KLC1: variants seen among roughly 807,000 people sequenced by gnomAD.
The protein encoded by KLC1 is kinesin light chain 1.
KLC1 carries 30 observed loss-of-function variants against 84.2 expected under a neutral mutation model. That is an observed-to-expected ratio of 0.36 (90% CI 0.27 to 0.48). The LOEUF (loss-of-function observed/expected upper bound fraction) is 0.48, where lower values mean the gene tolerates loss of function less well. Ranked by LOEUF, KLC1 falls within the 20% of genes least tolerant of loss-of-function variation. The pLI is 0.99. For synonymous variants in KLC1, 289 were observed against 293.3 expected (o/e 0.99, Z 0.15); for missense variants, 499 against 805.4 (o/e 0.62, Z 4.60).
At chr14:103,696,055 C>T in intron 15 of KLC1, 1 of 984,552 alleles carries the variant, frequency 1.0e-6, no homozygotes, top group Non-Finnish European at 1.2e-6. Flanking sequence ...AGAGTCAGCA[C>T]CTGTTTCTTC....
rs771548345 is a variant in KLC1, at chr14:103,700,710, G to C, written c.1904G>C (p.Gly635Ala). ...AAACGACAGCAGCAGCAGTGGCCTG[G>C]AAGACGCCACCGCTAACGTGAGTCC... Reference protein sequence around the residue: ...CGKRQQQQWPGRRHR With the variant: ...CGKRQQQQWPARRHR Residue 635 changes from glycine to alanine, a missense_variant, in exon 16 of 17, where the codon GGA becomes GCA. Transcript: ENST00000334553. The C allele has an allele frequency of 1.2e-6, 2 of 1,602,816 alleles. No homozygotes were observed. The highest frequency in any genetic ancestry group is 2.2e-5 in the South Asian group (2 of 89,866).
chr14:103,694,902 G>A lies in KLC1; in HGVS notation c.1848+2477G>A. ...CTCATGTCGCAGGACTGCTGTGTTT[G>A]TGAAAGCGCGTTTGTTTCCACAAGA... On this transcript the variant is annotated intron_variant, in intron 15 of 16. Coordinates refer to ENST00000334553, the MANE Select transcript of KLC1 (RefSeq NM_001394837.1). This position sits in a 1 kb window ranked among gnomAD's most constrained non-coding sequence, Gnocchi z 4.5. 2.0e-6 allele frequency: 2 copies of A among 985,482 alleles called. No homozygotes were observed. Among genetic ancestry groups the A allele is most frequent in the Non-Finnish European group, 2.4e-6 (2 of 829,948 alleles). 61.0% of individuals were successfully genotyped at this position (985,482 alleles called of 1,614,324 possible). A position where few individuals can be genotyped will look rare whatever the true frequency, so the allele number is the denominator to read the frequency against.
intron 14 of KLC1, among the ~76,000 whole-genome samples, chr14:103,690,115 A>G (rs899595648): frequency 1.3e-5 from 2 of 151,738 alleles, no homozygotes; most frequent in Non-Finnish European, 2.9e-5. Context: ...AGTAGGGCAG[A>G]GGTTGCAGTG....
chr14:103,685,287 T>C, intron 13 of KLC1: 1 of 1,349,542 alleles, frequency 7.4e-7, no homozygotes, highest in East Asian at 3.0e-5. Flanking sequence ...GGTCCCTATG[T>C]TTTTCATTGC....
At chr14:103,664,296 C>T (rs925498052) in intron 5 of KLC1, among the ~76,000 whole-genome samples, 3 of 152,244 alleles carry the variant, frequency 2.0e-5, no homozygotes, top group African/African-American at 7.2e-5. Flanking sequence ...GGATTACAGG[C>T]ATGCGCCACC....
chr14:103,679,007 T>C (rs1245982386), intron 12 of KLC1, among the ~76,000 whole-genome samples: 1 of 152,200 alleles, frequency 6.6e-6, no homozygotes, highest in Non-Finnish European at 1.5e-5. Context: ...GTGGAGATGC[T>C]GGAGTCTCAT....
intron 12 of KLC1, among the ~76,000 whole-genome samples, chr14:103,678,269 T>A (rs766023045): frequency 6.8e-6 from 1 of 146,614 alleles, no homozygotes; most frequent in African/African-American, 2.5e-5. Context: ...TCTCAAAAAT[T>A]AAAATAAAAT....
intron 1 of KLC1, among the ~76,000 whole-genome samples, chr14:103,650,311 G>A (rs2078323730): frequency 6.6e-6 from 1 of 152,112 alleles, no homozygotes; most frequent in Non-Finnish European, 1.5e-5. Context: ...GGGTAGGTGA[G>A]AAGAAGATGC....
rs370790551 is a variant in KLC1, at chr14:103,696,025, G to C, written c.1848+3600G>C. ...CCCTCCTCCTGTGTGTGGTCGTTCT[G>C]GTGAGAGGAACCCCACGCGAGAGTC... is the stretch of plus-strand genomic sequence containing the variant. On this transcript the variant is annotated intron_variant, in intron 15 of 16. Transcript: ENST00000334553. The C allele has an allele frequency of 1.3e-5, 13 of 985,294 alleles. No homozygotes were observed. The East Asian group carries it at 1.0e-3, about 77-fold the overall frequency. The allele number at this position is 985,294 out of a possible 1,614,324, so 61.0% of individuals were successfully genotyped here.
chr14:103,685,208 C>T, intron 13 of KLC1: 7 of 1,419,136 alleles, frequency 4.9e-6, no homozygotes, highest in South Asian at 4.9e-5. Flanking sequence ...TCCGTGGTTT[C>T]CTAAAGTTTC....
At chr14:103,690,239 A>G (rs971983618) in intron 14 of KLC1, among the ~76,000 whole-genome samples, 3 of 151,910 alleles carry the variant, frequency 2.0e-5, no homozygotes, top group Non-Finnish European at 4.4e-5. Context: ...ATGTCAGATG[A>G]TAATTTACTT....
chr14:103,649,646 C>G (rs1490291499), intron 1 of KLC1, among the ~76,000 whole-genome samples: 2 of 149,456 alleles, frequency 1.3e-5, no homozygotes, highest in Non-Finnish European at 3.0e-5. Flanking sequence ...ATAGCTTTGC[C>G]TGTTGAACAA....
chr14:103,692,374 C>T lies in KLC1; in HGVS notation c.1797C>T (p.Ser599=), dbSNP rs1252166944. ...CGGGTTGCAGCATGAAGCGTGCCAG[C>T]TCTCTGAATGTCCTTAACGTGGGTG... The part of the protein sequence containing the change: ...EPKNPGMKRA[S]SLNVLNVGGK... The change falls in exon 15 of 17, where the codon AGC becomes AGT. Residue 599 remains serine, a synonymous_variant. Coordinates refer to ENST00000334553, the MANE Select transcript of KLC1 (RefSeq NM_001394837.1). The T allele has an allele frequency of 6.5e-7, 1 of 1,536,586 alleles. No individual in the cohort carries two copies. The highest frequency in any genetic ancestry group is 1.4e-5 in the African/African-American group (1 of 73,058).
In KLC1 at chr14:103,693,410, A is replaced by G; in HGVS notation, c.1848+985A>G. ...TGCCCTCCAGTTTCTTGGAGTTTCTACATGCACATTGACCCCTGGGCCTCT... is the reference window on the plus strand; with the variant it reads ...TGCCCTCCAGTTTCTTGGAGTTTCTGCATGCACATTGACCCCTGGGCCTCT... On this transcript the variant is annotated intron_variant, in intron 15 of 16. Transcript: ENST00000334553. This position sits in a 1 kb window ranked among gnomAD's most constrained non-coding sequence, Gnocchi z 5.1. 1 of 1,284,544 alleles carries G rather than the reference A, an allele frequency of 7.8e-7. No individual in the cohort carries two copies. Among genetic ancestry groups the G allele is most frequent in the Non-Finnish European group, 1.1e-6 (1 of 948,318 alleles). The allele number at this position is 1,284,544 out of a possible 1,614,324, so 79.6% of individuals were successfully genotyped here. A position where few individuals can be genotyped will look rare whatever the true frequency, so the allele number is the denominator to read the frequency against.
chr14:103,658,399 T>TAC (rs1262436953), intron 3 of KLC1, among the ~76,000 whole-genome samples: 4 of 151,262 alleles, frequency 2.6e-5, no homozygotes, highest in Non-Finnish European at 5.9e-5. Flanking sequence ...TAGCTGGGAT[T>TAC]ACAGGTGTGT....
chr14:103,685,175 A>C, intron 13 of KLC1: 1 of 1,451,926 alleles, frequency 6.9e-7, no homozygotes, highest in Middle Eastern at 2.5e-4. Context: ...TGCATGTTTA[A>C]AATGGGCTGT....
At chr14:103,632,086 CGATACCTT>C (rs1288724789) in intron 1 of KLC1, among the ~76,000 whole-genome samples, 2 of 152,108 alleles carry the variant, frequency 1.3e-5, no homozygotes, top group Non-Finnish European at 2.9e-5. Context: ...GAGTAGTCAG[CGATACCTT>C]GATAAAAGAG....
At chr14:103,688,765 T>G (rs2081932797) in intron 14 of KLC1, among the ~76,000 whole-genome samples, 1 of 152,044 alleles carries the variant, frequency 6.6e-6, no homozygotes, top group Non-Finnish European at 1.5e-5. Flanking sequence ...GAGAGGGAGT[T>G]TTAGGAGCCC....
chr14:103,674,945 T>C (rs1356727383), intron 9 of KLC1, among the ~76,000 whole-genome samples: 4 of 152,186 alleles, frequency 2.6e-5, no homozygotes, highest in African/African-American at 7.2e-5. Flanking sequence ...TGTTGCTTGG[T>C]GTCCAGCTCT....
Sources: gnomAD v4.1 joint callset for allele counts (sites outside exome capture counted in the v4.1 genomes callset) on GRCh38, gnomAD v4.1.1 for gene constraint, Gnocchi (gnomAD v3.1) non-coding constraint, MANE v1.5 for transcripts, NCBI Gene and HGNC (gene_info 2026-07-23, HGNC 2026-07-21) for gene names.